RUVBL1: variants seen among roughly 807,000 people sequenced by gnomAD.
RUVBL1 encodes ruvB-like 1.
Under a neutral mutation model 52.4 loss-of-function variants are expected in RUVBL1, and 4 were observed. That is an observed-to-expected ratio of 0.08 (90% CI 0.04 to 0.17). RUVBL1 has a LOEUF of 0.17. Ranked by LOEUF, RUVBL1 falls within the 10% of genes least tolerant of loss-of-function variation. The pLI, the probability that RUVBL1 is intolerant of heterozygous loss-of-function variation, is 1.00. For synonymous variants in RUVBL1, 217 were observed against 214.4 expected (o/e 1.01, Z -0.10); for missense variants, 298 against 572.8 (o/e 0.52, Z 4.90).
chr3:128,072,000 A>G (rs1942180873), intron 9 of RUVBL1, among the ~76,000 whole-genome samples: 1 of 152,242 alleles, frequency 6.6e-6, no homozygotes, highest in African/African-American at 2.4e-5. Context: ...GGAACCTTCT[A>G]GCAGGAGCCT....
At chr3:128,104,728 G>A (rs780511988) in intron 4 of RUVBL1, 45 bp downstream of exon 4, 1 of 1,557,674 alleles carries the variant, frequency 6.4e-7, no homozygotes, top group Non-Finnish European at 8.8e-7. Flanking sequence ...AAGCCACACA[G>A]TGCTGGGAGA....
intron 7 of RUVBL1, among the ~76,000 whole-genome samples, chr3:128,098,049 A>G (rs939492589): frequency 6.6e-6 from 1 of 152,220 alleles, no homozygotes; most frequent in African/African-American, 2.4e-5. Context: ...CCTTTGAGGA[A>G]TGAAAGGCTC....
chr3:128,151,947 A>G (rs1944224478), intron 1 of RUVBL1, among the ~76,000 whole-genome samples: 1 of 152,158 alleles, frequency 6.6e-6, no homozygotes, highest in Non-Finnish European at 1.5e-5. Context: ...TCTCCAGAAA[A>G]ATGGAAGGAG....
chr3:128,144,322 T>A (rs1944072711), intron 1 of RUVBL1, among the ~76,000 whole-genome samples: 1 of 152,244 alleles, frequency 6.6e-6, no homozygotes, highest in South Asian at 2.1e-4. Context: ...CTGGATTAAT[T>A]GGCCTTAATG....
intron 2 of RUVBL1, among the ~76,000 whole-genome samples, chr3:128,116,831 CT>C (rs774220751): frequency 1.3e-5 from 2 of 152,148 alleles, no homozygotes; most frequent in Non-Finnish European, 2.9e-5. Flanking sequence ...GTTCTCCTTT[CT>C]TGGTTCCTGA....
chr3:128,099,906 G>C (rs917354617), intron 6 of RUVBL1, among the ~76,000 whole-genome samples: 1 of 152,124 alleles, frequency 6.6e-6, no homozygotes, highest in Admixed American at 6.5e-5. Flanking sequence ...CTCTTCTCAG[G>C]TCAAGGGCTC....
chr3:128,116,996 G>A (rs960275576), intron 2 of RUVBL1, among the ~76,000 whole-genome samples: 1 of 152,188 alleles, frequency 6.6e-6, no homozygotes, highest in African/African-American at 2.4e-5. Flanking sequence ...ACAACTTACT[G>A]TCAAGTGGTT....
chr3:128,112,811 C>G, intron 3 of RUVBL1, 77 bp downstream of exon 3: 2 of 1,520,166 alleles, frequency 1.3e-6, no homozygotes, highest in South Asian at 1.2e-5. Flanking sequence ...ATAAAGGCAT[C>G]TTCACCACAA....
Position 128,081,337 on chromosome 3 carries a change from C to G in RUVBL1, c.1284G>C (p.Glu428Asp), listed in dbSNP as rs1942468696. 9 of 1,614,218 alleles carry G rather than the reference C, an allele frequency of 5.6e-6. No homozygotes were observed. Among genetic ancestry groups the G allele is most frequent in the Non-Finnish European group, 7.6e-6 (9 of 1,180,026 alleles). Residue 428 changes from glutamate to aspartate, a missense_variant, in exon 11 of 11, where the codon GAG (glutamate) becomes GAC (aspartate). Physicochemically the swap from Glu to Asp is conservative, Grantham distance 45. Around this residue, in one of 5 missense-constraint regions of RUVBL1, gnomAD observed 161 missense variants for 298.3 expected, o/e 0.54. Transcript: ENST00000322623. This position sits in a 1 kb window ranked among gnomAD's most constrained non-coding sequence, Gnocchi z 4.8. ...AAAGTTCACTGATCTCTTCGACATG[C>G]TCTTTCTCAATGCTGTCCTTCCCGT... is the stretch of plus-strand genomic sequence containing the variant. ...KINGKDSIEK[E>D]HVEEISELFY...
At chr3:128,066,263 TTAGGAAACATCACCAGC>T (rs902193562) in intron 9 of RUVBL1, among the ~76,000 whole-genome samples, 5 of 152,132 alleles carry the variant, frequency 3.3e-5, no homozygotes, top group Non-Finnish European at 7.4e-5. Context: ...GTGTAAAAGC[TTAGGAAACATCACCAGC>T]TAGAGAGAAG....
intron 1 of RUVBL1, among the ~76,000 whole-genome samples, chr3:128,122,074 T>C (rs188420841): frequency 1.0e-4 from 15 of 147,018 alleles, no homozygotes; most frequent in East Asian, 3.9e-4. Flanking sequence ...GCATAGAGCA[T>C]GCACTTAGGC....
chr3:128,123,783 C>A lies in RUVBL1; in HGVS notation c.-59G>T, dbSNP rs1306893844. 1.3e-6 allele frequency: 2 copies of A among 1,522,400 alleles called. No homozygotes were observed. The highest frequency in any genetic ancestry group is 2.4e-5 in the East Asian group (1 of 41,890). The allele number at this position is 1,522,400 out of a possible 1,614,324, so 94.3% of individuals were successfully genotyped here. A position where few individuals can be genotyped will look rare whatever the true frequency, so the allele number is the denominator to read the frequency against. On this transcript the variant is annotated 5_prime_UTR_variant, in exon 1 of 11. Transcript: ENST00000322623. The stretch of plus-strand genomic sequence containing the variant: ...AAACCAGCAGCTAGGACAGTGCGCC[C>A]GGCGCCTGAGTTACCATGCGGCCGT...
Position 128,153,138 on chromosome 3 carries a change from C to G in RUVBL1, c.-40+65G>C, listed in dbSNP as rs113505383. 4.2e-4 allele frequency: 375 copies of G among 896,606 alleles called. 1 individual carries two copies. The African/African-American group carries it at 6.4e-3, about 15-fold the overall frequency. 55.5% of individuals were successfully genotyped at this position (896,606 alleles called of 1,614,324 possible). A position where few individuals can be genotyped will look rare whatever the true frequency, so the allele number is the denominator to read the frequency against. On this transcript the variant is annotated intron_variant, in intron 1 of 9. Transcript: ENST00000464873. ...GCACTGATTGGTGCGTTTTACAGAG[C>G]GCTGATTGGTGCATTTTACAATCCT...
intron 1 of RUVBL1, among the ~76,000 whole-genome samples, chr3:128,149,604 C>T (rs1169040296): frequency 1.3e-5 from 2 of 152,172 alleles, no homozygotes; most frequent in African/African-American, 4.8e-5. Flanking sequence ...TAGAACATGC[C>T]TTTTCATGAA....
chr3:128,068,153 G>GGTCA lies in RUVBL1; in HGVS notation c.940-2937_940-2934dup, dbSNP rs1458812270. ...TCCTGATAGGCCCTAGCACTTACTGGGTCACTAAATCTTATCCTTGGGTTA... is the reference window on the plus strand; with the variant it reads ...TCCTGATAGGCCCTAGCACTTACTGGGTCAGTCACTAAATCTTATCCTTGGGTTA... On this transcript the variant is annotated intron_variant, in intron 9 of 9. Transcript: ENST00000464873. The GGTCA allele has an allele frequency of 6.6e-5, 58 of 878,568 alleles. 1 individual carries two copies. In the East Asian group the frequency reaches 1.2e-3, roughly 18 times the overall value. 54.4% of individuals were successfully genotyped at this position (878,568 alleles called of 1,614,324 possible). A position where few individuals can be genotyped will look rare whatever the true frequency, so the allele number is the denominator to read the frequency against.
chr3:128,118,039 TGCAAACGTGAGA>T (rs1446929240), intron 2 of RUVBL1, among the ~76,000 whole-genome samples: 6 of 152,264 alleles, frequency 3.9e-5, no homozygotes, highest in Admixed American at 3.3e-4. Flanking sequence ...ACATAATGAA[TGCAAACGTGAGA>T]GACTTTCCCA....
intron 9 of RUVBL1, chr3:128,068,147 T>A: frequency 1.1e-6 from 1 of 913,834 alleles, no homozygotes; most frequent in Non-Finnish European, 1.8e-6. Context: ...GCCCTAGCAC[T>A]TACTGGGTCA....
At chr3:128,113,651 G>C (rs1943449000) in intron 2 of RUVBL1, among the ~76,000 whole-genome samples, 1 of 152,080 alleles carries the variant, frequency 6.6e-6, no homozygotes, top group African/African-American at 2.4e-5. Flanking sequence ...TTTTGTTATT[G>C]TATTTTTATT....
At chr3:128,105,942 T>C (rs1943225057) in intron 3 of RUVBL1, among the ~76,000 whole-genome samples, 1 of 144,936 alleles carries the variant, frequency 6.9e-6, no homozygotes, top group Admixed American at 7.2e-5. Flanking sequence ...CGAACTTGGC[T>C]CACAGCAAGC....
Sources: allele counts gnomAD v4.1 joint callset (sites outside exome capture counted in the v4.1 genomes callset), GRCh38; gene constraint gnomAD v4.1.1; regional missense constraint gnomAD v4.1.1; non-coding constraint Gnocchi (gnomAD v3.1); transcripts MANE v1.5; gene names NCBI Gene and HGNC (gene_info 2026-07-23, HGNC 2026-07-21).